Variants in PRSS23 observed in about 807,000 individuals in gnomAD.
PRSS23 encodes protease, serine 23.
Under a neutral mutation model 34.7 loss-of-function variants are expected in PRSS23, and 25 were observed. The observed-to-expected ratio is 0.72, with a 90% CI of 0.53 to 1.01. The LOEUF is 1.01. Ranked by LOEUF, PRSS23 falls within the 50% of genes least tolerant of loss-of-function variation. The pLI, the probability that PRSS23 is intolerant of heterozygous loss-of-function variation, is 0.00. For missense variants in PRSS23, 445 were observed against 475.6 expected, an observed-to-expected ratio of 0.94 and a Z score of 0.60; for synonymous variants, 176 against 186.6, an observed-to-expected ratio of 0.94 and a Z score of 0.46.
At chr11:86,802,993 A>G (rs753111015) in intron 1 of PRSS23, among the ~76,000 whole-genome samples, 34 of 152,250 alleles carry the variant, frequency 2.2e-4, no homozygotes, top group Non-Finnish European at 4.4e-4. Context: ...TCAGATACCC[A>G]AAGCTGGAAA....
intron 1 of PRSS23, among the ~76,000 whole-genome samples, chr11:86,817,052 G>A (rs906240908): frequency 2.0e-5 from 3 of 152,180 alleles, no homozygotes; most frequent in Admixed American, 6.5e-5. Context: ...ATTTATAGTT[G>A]CGATCAGATT....
intron 2 of PRSS23, among the ~76,000 whole-genome samples, chr11:86,875,687 C>T (rs541157804): frequency 3.9e-5 from 6 of 152,324 alleles, no homozygotes; most frequent in Admixed American, 2.6e-4. Flanking sequence ...AACATCAGAA[C>T]AAGTTTATTT....
chr11:86,830,150 C>T (rs771097931), intron 2 of PRSS23, among the ~76,000 whole-genome samples: 7 of 152,192 alleles, frequency 4.6e-5, no homozygotes, highest in Non-Finnish European at 1.0e-4. Context: ...CCACCCAGCT[C>T]GAGCTTCCCA....
intron 2 of PRSS23, among the ~76,000 whole-genome samples, chr11:86,907,367 CAGT>C (rs1948950238): frequency 2.0e-5 from 3 of 151,968 alleles, no homozygotes; most frequent in African/African-American, 7.3e-5. Context: ...AAAATGTTAG[CAGT>C]GGTGTTAGGG....
At chr11:86,823,087 G>A (rs1042699862) in intron 1 of PRSS23, among the ~76,000 whole-genome samples, 3 of 152,218 alleles carry the variant, frequency 2.0e-5, no homozygotes, top group Non-Finnish European at 2.9e-5. Flanking sequence ...GGGAGGCCCC[G>A]TCAGGGGATG....
In PRSS23 at chr11:86,838,978, G is replaced by A. The variant is rs180884969; in HGVS notation, c.206+15385G>A. On this transcript the variant is annotated intron_variant, in intron 2 of 2. Transcript: ENST00000533902. The stretch of plus-strand genomic sequence containing the variant: ...GGACATCCACATGAAAACCCCATCT[G>A]TATGTCACCAATATCAAAGACCAAA... Among the ~76,000 whole-genome samples the A allele has an allele frequency of 7.8e-4, 118 of 151,948 alleles. 1 individual carries two copies. Among genetic ancestry groups the A allele is most frequent in the Admixed American group, 1.3e-3 (20 of 15,266 alleles).
chr11:86,803,654 C>T (rs1948066157), intron 1 of PRSS23, among the ~76,000 whole-genome samples: 1 of 152,062 alleles, frequency 6.6e-6, no homozygotes, highest in Non-Finnish European at 1.5e-5. Context: ...GGGTTGTTTC[C>T]CCCTCAGGCT....
At chr11:86,829,130 C>G (rs1467839829) in intron 2 of PRSS23, among the ~76,000 whole-genome samples, 2 of 152,224 alleles carry the variant, frequency 1.3e-5, no homozygotes, top group Non-Finnish European at 2.9e-5. Flanking sequence ...TTCAGGTACA[C>G]CAGTCAGATG....
chr11:86,823,867 G>C (rs1368083613), intron 2 of PRSS23, among the ~76,000 whole-genome samples: 1 of 150,676 alleles, frequency 6.6e-6, no homozygotes, highest in Non-Finnish European at 1.5e-5. Flanking sequence ...TTAGCCGGGC[G>C]TGGTAGCGGG....
exon 3 of PRSS23, chr11:86,952,363 G>T: frequency 1.2e-6 from 2 of 1,614,194 alleles, no homozygotes; most frequent in South Asian, 2.2e-5. Flanking sequence ...ATTCCTTCAG[G>T]ACGGGTTCAC....
intron 1 of PRSS23, among the ~76,000 whole-genome samples, chr11:86,791,453 G>A (rs1215709034): frequency 6.6e-6 from 1 of 152,224 alleles, no homozygotes; most frequent in African/African-American, 2.4e-5. Flanking sequence ...ATTTGCTTCT[G>A]TAAGTACAAA....
At chr11:86,827,240 G>A (rs919710670) in intron 2 of PRSS23, among the ~76,000 whole-genome samples, 1 of 152,164 alleles carries the variant, frequency 6.6e-6, no homozygotes, top group Non-Finnish European at 1.5e-5. Context: ...ATGCATCGAG[G>A]AATTTATCCA....
chr11:86,898,979 G>A (rs1590919533), intron 2 of PRSS23, among the ~76,000 whole-genome samples: 1 of 152,186 alleles, frequency 6.6e-6, no homozygotes, highest in African/African-American at 2.4e-5. Flanking sequence ...CAGGTTCCAG[G>A]GCATCACTCT....
At chr11:86,833,355 G>T in intron 2 of PRSS23, 1 of 871,246 alleles carries the variant, frequency 1.1e-6, no homozygotes, top group Non-Finnish European at 1.9e-6. Context: ...CCATGACTAG[G>T]TACATGAACA....
At chr11:86,850,855 A>G (rs1277932192) in intron 2 of PRSS23, among the ~76,000 whole-genome samples, 1 of 152,242 alleles carries the variant, frequency 6.6e-6, no homozygotes, top group Non-Finnish European at 1.5e-5. Flanking sequence ...AAGACATGTC[A>G]CAAAATAATT....
In PRSS23 at chr11:86,807,837, G is replaced by A. The variant is rs1948121098; in HGVS notation, c.194G>A (p.Cys65Tyr). ...AEAKLEVSSS[C>Y]GPQCHKGTPL... ...GCCAAATTAGAAGTATCTTCTTCAT[G>A]TGGACCCCAGTGTCATAAGGGAACT... The change falls in exon 2 of 2, where the codon TGT becomes TAT. Residue 65 changes from cysteine (C) to tyrosine (Y), a missense_variant. Physicochemically the swap from Cys to Tyr is radical, Grantham distance 194. Transcript: ENST00000280258. 1 of 1,614,162 alleles carries A rather than the reference G, an allele frequency of 6.2e-7. No individual in the cohort carries two copies.
chr11:86,948,425 A>C (rs1217820353), intron 2 of PRSS23: 2 of 152,152 alleles, frequency 1.3e-5, no homozygotes, highest in Admixed American at 1.3e-4. Flanking sequence ...TTAAGAAGTG[A>C]TGGAGTTGAT....
intron 2 of PRSS23, among the ~76,000 whole-genome samples, chr11:86,826,334 A>G (rs1192308490): frequency 1.3e-5 from 2 of 152,136 alleles, no homozygotes; most frequent in Non-Finnish European, 2.9e-5. Context: ...ATTTTTGTAC[A>G]TTGATTTTGT....
At chr11:86,937,895 G>T (rs1949175655) in intron 2 of PRSS23, 1 of 152,118 alleles carries the variant, frequency 6.6e-6, no homozygotes, top group Non-Finnish European at 1.5e-5. Flanking sequence ...CCCCTTTCTG[G>T]TAACAGAATC....
Sources: allele counts gnomAD v4.1 joint callset (sites outside exome capture counted in the v4.1 genomes callset), GRCh38; gene constraint gnomAD v4.1.1; transcripts MANE v1.5; gene names NCBI Gene and HGNC (gene_info 2026-07-23, HGNC 2026-07-21).